YLPM1: variants seen among roughly 807,000 people sequenced by gnomAD.
The protein encoded by YLPM1 is YLP motif containing 1.
A neutral mutation model predicts 230.0 loss-of-function variants in YLPM1; 99 were observed. The observed-to-expected ratio is 0.43, with a 90% CI of 0.37 to 0.51. The LOEUF is 0.51. YLPM1 is among the 20% of genes least tolerant of loss of function. The pLI, the probability that YLPM1 is intolerant of heterozygous loss-of-function variation, is 0.00. For synonymous variants in YLPM1, 984 were observed against 942.5 expected (o/e 1.04, Z -0.81); for missense variants, 2,592 against 2,707.7 (o/e 0.96, Z 0.95).
intron 4 of YLPM1, among the ~76,000 whole-genome samples, chr14:74,794,257 C>T (rs1471746224): frequency 6.6e-6 from 1 of 152,120 alleles, no homozygotes; most frequent in Admixed American, 6.5e-5. Flanking sequence ...ACCTCAGGCT[C>T]ACTGCATTCT....
intron 6 of YLPM1, 113 bp downstream of exon 6, chr14:74,802,789 A>G: frequency 7.5e-7 from 1 of 1,340,286 alleles, no homozygotes. Context: ...ATAAAATGTA[A>G]ATTTTGGAAA....
In YLPM1 at chr14:74,782,128, A is replaced by G. The variant is rs1193682792; in HGVS notation, c.2085A>G (p.Ser695=). 5.6e-6 allele frequency: 9 copies of G among 1,613,662 alleles called. No homozygotes were observed. The South Asian group carries it at 7.7e-5, about 14-fold the overall frequency. Residue 695 remains serine, a synonymous_variant, in exon 4 of 21, where the codon TCA becomes TCG. Coordinates refer to ENST00000325680, the MANE Select transcript of YLPM1 (RefSeq NM_019589.3). ...CTCCGTTGCAATCAGCTGGTCCATCAGAACAAGTGAATTCAAAAGCTCCTT... is the reference window on the plus strand; with the variant it reads ...CTCCGTTGCAATCAGCTGGTCCATCGGAACAAGTGAATTCAAAAGCTCCTT... ...YHPPLQSAGP[S]EQVNSKAPLS...
In YLPM1 at chr14:74,781,322, C is replaced by G. The variant is rs1353239279; in HGVS notation, c.1291-12C>G. Reference sequence around the variant, plus strand: ...GAATGGTTTTAAATAGTTTTTATCCCTTTATTTGTAGACCATGTCTGTAGA... The same window carrying G: ...GAATGGTTTTAAATAGTTTTTATCCGTTTATTTGTAGACCATGTCTGTAGA... On this transcript the variant is annotated splice_polypyrimidine_tract_variant and intron_variant, in intron 3 of 20. Coordinates refer to ENST00000325680, the MANE Select transcript of YLPM1 (RefSeq NM_019589.3). The G allele has an allele frequency of 1.3e-6, 2 of 1,520,604 alleles. No individual in the cohort carries two copies. Among genetic ancestry groups the G allele is most frequent in the African/African-American group, 2.8e-5 (2 of 71,558 alleles). 94.2% of individuals were successfully genotyped at this position (1,520,604 alleles called of 1,614,324 possible). A position where few individuals can be genotyped will look rare whatever the true frequency, so the allele number is the denominator to read the frequency against.
chr14:74,780,524 T>A lies in YLPM1; in HGVS notation c.1230T>A (p.Thr410=). Residue 410 remains threonine, a synonymous_variant, in exon 3 of 21, where the codon ACT becomes ACA. Transcript: ENST00000325680. ...FQYQGIMQKH[T]QLQQILQQYQ... is the part of the protein sequence containing the mutation. ...ATCAGGGAATAATGCAGAAGCACAC[T>A]CAGTTACAGCAGATTCTACAACAGT... 6.2e-7 allele frequency: 1 copy of A among 1,613,888 alleles called. No individual in the cohort carries two copies. The highest frequency in any genetic ancestry group is 8.5e-7 in the Non-Finnish European group (1 of 1,179,872).
At chr14:74,820,609 C>CT (rs750990440) in intron 16 of YLPM1, among the ~76,000 whole-genome samples, 15 of 152,256 alleles carry the variant, frequency 9.9e-5, no homozygotes, top group Admixed American at 3.9e-4. Context: ...TCAGTTGTAC[C>CT]TTTTAATGAC....
In YLPM1 at chr14:74,837,138, G is replaced by T. The variant is rs1442391834; in HGVS notation, c.*1400G>T. 1 of 152,082 alleles carries T rather than the reference G, an allele frequency of 6.6e-6. No individual in the cohort carries two copies. Among genetic ancestry groups the T allele is most frequent in the Non-Finnish European group, 1.5e-5 (1 of 68,018 alleles). The allele number at this position is 152,082 out of a possible 1,614,324, so 9.4% of individuals were successfully genotyped here. On this transcript the variant is annotated 3_prime_UTR_variant, in exon 21 of 21. Transcript: ENST00000325680. ...TAGCATTTGAATAGTATCACTTTGG[G>T]TTCAACAAATTGATATTATAGTACT...
Position 74,827,764 on chromosome 14 carries a change from A to T in YLPM1, c.6164-1449A>T, listed in dbSNP as rs2091576926. 4 of 985,170 alleles carry T rather than the reference A, an allele frequency of 4.1e-6. No homozygotes were observed. In the African/African-American group the frequency reaches 5.2e-5, roughly 13 times the overall value. The allele number at this position is 985,170 out of a possible 1,614,324, so 61.0% of individuals were successfully genotyped here. On this transcript the variant is annotated intron_variant, in intron 18 of 20. Transcript: ENST00000325680. ...ACCCTGTTGAACCAAGAACAGTTTT[A>T]TTGTTTGTGGGACTTCGTTGGTTTT...
chr14:74,813,571 C>A (rs1277978109), intron 11 of YLPM1, among the ~76,000 whole-genome samples: 1 of 152,016 alleles, frequency 6.6e-6, no homozygotes, highest in Non-Finnish European at 1.5e-5. Flanking sequence ...CTGAAAATCT[C>A]TGCCTTTTGA....
At chr14:74,786,090 G>T (rs994665116) in intron 4 of YLPM1, among the ~76,000 whole-genome samples, 2 of 152,024 alleles carry the variant, frequency 1.3e-5, no homozygotes, top group East Asian at 3.9e-4. Flanking sequence ...GGCCAGGTGC[G>T]GTTGCTCATG....
Position 74,798,411 on chromosome 14 carries a change from C to T in YLPM1, c.3114C>T (p.Asn1038=), listed in dbSNP as rs770036653. Residue 1038 remains asparagine, a synonymous_variant, in exon 5 of 21, where the codon AAC becomes AAT. Coordinates refer to ENST00000325680, the MANE Select transcript of YLPM1 (RefSeq NM_019589.3). ...MEDTRDKGLV[N]RGRGQAISRG... ...ACACACGGGATAAAGGTCTAGTAAA[C>T]AGAGGTCGCGGCCAGGCAATCAGTC... 5.6e-6 allele frequency: 9 copies of T among 1,613,814 alleles called. No homozygotes were observed. The highest frequency in any genetic ancestry group is 7.6e-6 in the Non-Finnish European group (9 of 1,179,894).
intron 18 of YLPM1, among the ~76,000 whole-genome samples, chr14:74,825,958 C>T (rs1025599956): frequency 6.6e-6 from 1 of 152,012 alleles, no homozygotes; most frequent in Non-Finnish European, 1.5e-5. Flanking sequence ...CATTCTGGCC[C>T]GTCTACCATT....
chr14:74,784,086 T>C (rs150253315), intron 4 of YLPM1, among the ~76,000 whole-genome samples: 1 of 152,368 alleles, frequency 6.6e-6, no homozygotes, highest in African/African-American at 2.4e-5. Flanking sequence ...AATTCGTTCT[T>C]AATCTCCTGG....
chr14:74,827,789 T>G, intron 18 of YLPM1: 1 of 985,380 alleles, frequency 1.0e-6, no homozygotes, highest in Non-Finnish European at 1.2e-6. Flanking sequence ...TCGTTGGTTT[T>G]CTAATACCAT....
intron 1 of YLPM1, among the ~76,000 whole-genome samples, chr14:74,774,131 AT>A (rs1388305989): frequency 1.3e-5 from 2 of 152,254 alleles, no homozygotes; most frequent in African/African-American, 4.8e-5. Context: ...TAAGTTGAAC[AT>A]TTAATACACC....
chr14:74,828,010 G>A, intron 18 of YLPM1: 1 of 985,272 alleles, frequency 1.0e-6, no homozygotes, highest in Non-Finnish European at 1.2e-6. Flanking sequence ...ATTTTTCAAT[G>A]ATAATCACTT....
intron 4 of YLPM1, among the ~76,000 whole-genome samples, chr14:74,794,966 C>T (rs1457121872): frequency 3.3e-5 from 5 of 152,206 alleles, no homozygotes; most frequent in Non-Finnish European, 7.3e-5. Flanking sequence ...ATGGGGTGAC[C>T]CAGGCTTTCA....
chr14:74,786,094 G>A lies in YLPM1; in HGVS notation c.2282+3769G>A, dbSNP rs552270178. Among the ~76,000 whole-genome samples, 4 of 152,250 alleles carry A rather than the reference G, an allele frequency of 2.6e-5. No homozygotes were observed. In the South Asian group the frequency reaches 8.3e-4, roughly 32 times the overall value. Reference sequence around the variant, plus strand: ...AGACACACATTGGCCAGGTGCGGTTGCTCATGCCTGTAATCCCAGCACTTT... The same window carrying A: ...AGACACACATTGGCCAGGTGCGGTTACTCATGCCTGTAATCCCAGCACTTT... On this transcript the variant is annotated intron_variant, in intron 4 of 20. Coordinates refer to ENST00000325680, the MANE Select transcript of YLPM1 (RefSeq NM_019589.3).
At chr14:74,786,130 G>T (rs780867528) in intron 4 of YLPM1, among the ~76,000 whole-genome samples, 1 of 152,036 alleles carries the variant, frequency 6.6e-6, no homozygotes, top group Non-Finnish European at 1.5e-5. Context: ...GGGAGGCTGA[G>T]GGGGGAGCGG....
rs1389168408 is a variant in YLPM1, at chr14:74,798,456, G to A, written c.3159G>A (p.Lys1053=). Residue 1053 remains lysine, a synonymous_variant, in exon 5 of 21, where the codon AAG becomes AAA. Coordinates refer to ENST00000325680, the MANE Select transcript of YLPM1 (RefSeq NM_019589.3). ...TCAGTCGAGGCCCAGGATTGGTCAA[G>A]CAAGAAGACTTTCGGGATAAGATGA... ...QAISRGPGLV[K]QEDFRDKMMG... The A allele has an allele frequency of 3.7e-6, 6 of 1,613,838 alleles. No homozygotes were observed. The highest frequency in any genetic ancestry group is 5.1e-6 in the Non-Finnish European group (6 of 1,179,890).
Sources: gnomAD v4.1 joint callset for allele counts (sites outside exome capture counted in the v4.1 genomes callset) on GRCh38, gnomAD v4.1.1 for gene constraint, MANE v1.5 for transcripts, NCBI Gene and HGNC (gene_info 2026-07-23, HGNC 2026-07-21) for gene names.